Variants in KIF13A observed in about 807,000 individuals in gnomAD.
The protein encoded by KIF13A is kinesin family member 13A, also known as kinesin-like protein KIF13A.
Under a neutral mutation model 212.2 loss-of-function variants are expected in KIF13A, and 79 were observed. That is an observed-to-expected ratio of 0.37 (90% confidence interval 0.31 to 0.45). The LOEUF (loss-of-function observed/expected upper bound fraction) is 0.45, where lower values mean the gene tolerates loss of function less well. KIF13A is among the 20% of genes least tolerant of loss of function. KIF13A has a pLI of 1.00. For synonymous variants in KIF13A, 789 were observed against 808.6 expected, an observed-to-expected ratio of 0.98 and a Z score of 0.41; for missense variants, 1,901 against 2,209.0, an observed-to-expected ratio of 0.86 and a Z score of 2.79.
At position 17,825,759 on chromosome 6, in the gene KIF13A, G is replaced by C. The variant is rs757309237; in HGVS notation, c.1786+9C>G. ...CCCAAGGCGCTGGAACACAGAGTGA[G>C]GGTCTTACCATTACTATTCAGGGTT... On this transcript the variant is annotated intron_variant, in intron 16 of 38. Transcript: ENST00000259711. This position sits in a 1 kb window ranked among gnomAD's most constrained non-coding sequence, Gnocchi z 4.5. 1.2e-6 allele frequency: 2 copies of C among 1,610,734 alleles called. No homozygotes were observed. Among genetic ancestry groups the C allele is most frequent in the East Asian group, 4.5e-5 (2 of 44,870 alleles).
intron 4 of KIF13A, among the ~76,000 whole-genome samples, chr6:17,868,232 A>G (rs1769610626): frequency 6.6e-6 from 1 of 152,060 alleles, no homozygotes; most frequent in African/African-American, 2.4e-5. Context: ...TTTATTTTTG[A>G]TATGAAGATT....
chr6:17,824,781 C>A (rs4712312), intron 16 of KIF13A, among the ~76,000 whole-genome samples: 39,245 of 89,792 alleles, frequency 0.44, 7,006 homozygotes, highest in African/African-American at 0.55. Context: ...AAAAAAAAAA[C>A]AAAACACCAA....
At position 17,828,443 on chromosome 6, in the gene KIF13A, T is replaced by A; in HGVS notation, c.1402-73A>T. 7.5e-7 allele frequency: 1 copy of A among 1,337,592 alleles called. No individual in the cohort carries two copies. The highest frequency in any genetic ancestry group is 1.0e-6 in the Non-Finnish European group (1 of 956,914). 82.9% of individuals were successfully genotyped at this position (1,337,592 alleles called of 1,614,324 possible). A position where few individuals can be genotyped will look rare whatever the true frequency, so the allele number is the denominator to read the frequency against. ...TCAGCAAAAATGTATCACAATCAAT[T>A]TGAATAACGCAGCAGCATATGCACA... On this transcript the variant is annotated intron_variant, in intron 13 of 38. Transcript: ENST00000259711. This position sits in a 1 kb window ranked among gnomAD's most constrained non-coding sequence, Gnocchi z 4.3.
chr6:17,929,360 C>T (rs1775789129), intron 2 of KIF13A, among the ~76,000 whole-genome samples: 1 of 151,834 alleles, frequency 6.6e-6, no homozygotes, highest in African/African-American at 2.4e-5. Flanking sequence ...TAGCTTCAGT[C>T]TCCCAAACAG....
chr6:17,792,395 AG>A (rs1245203700), intron 25 of KIF13A, among the ~76,000 whole-genome samples: 1 of 152,154 alleles, frequency 6.6e-6, no homozygotes, highest in African/African-American at 2.4e-5. Context: ...AGGATTATTA[AG>A]TCTACTTCAT....
At chr6:17,833,014 C>CAAAAAAAAAAAAAAAAAAAA (rs61281213) in intron 12 of KIF13A, among the ~76,000 whole-genome samples, 1 of 75,384 alleles carries the variant, frequency 1.3e-5, no homozygotes. Context: ...ACTCTGTCTG[C>CAAAAAAAAAAAAAAAAAAAA]AAAAAAAAAA....
At chr6:17,822,051 T>C (rs1224918161) in intron 16 of KIF13A, 1 of 897,896 alleles carries the variant, frequency 1.1e-6, no homozygotes, top group African/African-American at 1.7e-5. Context: ...TTCTTTTTTT[T>C]TTTTTTGTGA....
At chr6:17,770,833 A>C in intron 38 of KIF13A, 1 of 791,024 alleles carries the variant, frequency 1.3e-6, no homozygotes, top group Admixed American at 4.4e-5. Flanking sequence ...GGTATTAAAA[A>C]GATCTCTTTG....
At chr6:17,878,947 G>T (rs929884894) in intron 3 of KIF13A, among the ~76,000 whole-genome samples, 2 of 152,130 alleles carry the variant, frequency 1.3e-5, no homozygotes, top group African/African-American at 4.8e-5. Flanking sequence ...CAAAATCTCT[G>T]ATCACAGGCA....
At chr6:17,954,498 T>C (rs1372566426) in intron 2 of KIF13A, among the ~76,000 whole-genome samples, 1 of 152,158 alleles carries the variant, frequency 6.6e-6, no homozygotes, top group Non-Finnish European at 1.5e-5. Context: ...TTAAGTATAA[T>C]ACACAGCATA....
At position 17,779,010 on chromosome 6, in the gene KIF13A, A is replaced by G. The variant is rs1443078438; in HGVS notation, c.4029T>C (p.Ile1343=). Residue 1343 remains isoleucine (I), a synonymous_variant, in exon 33 of 39, where the codon ATT becomes ATC. Coordinates refer to ENST00000259711, the MANE Select transcript of KIF13A (RefSeq NM_022113.6). ...GCAGCACGCCTCGAGTGTACTTCTC[A>G]ATGTACGTCTCCCCATCTGATGTGC... ...NEGTSDGETY[I]EKYTRGVLQV... 6.2e-7 allele frequency: 1 copy of G among 1,613,302 alleles called. No individual in the cohort carries two copies. The highest frequency in any genetic ancestry group is 8.5e-7 in the Non-Finnish European group (1 of 1,179,628).
Position 17,968,253 on chromosome 6 carries a change from T to G in KIF13A, c.146+18801A>C, listed in dbSNP as rs1394567539. 6.6e-6 allele frequency among the ~76,000 whole-genome samples: 1 copy of G among 152,188 alleles called. No individual in the cohort carries two copies. The highest frequency in any genetic ancestry group is 1.5e-5 in the Non-Finnish European group (1 of 68,026). Reference sequence around the variant, plus strand: ...AGAAGAGTAAGCAGGCCAGCAGCCCTGCCACTCACAGGGCTGTCCCAGATT... The same window carrying G: ...AGAAGAGTAAGCAGGCCAGCAGCCCGGCCACTCACAGGGCTGTCCCAGATT... On this transcript the variant is annotated intron_variant, in intron 2 of 38. Coordinates refer to ENST00000259711, the MANE Select transcript of KIF13A (RefSeq NM_022113.6). This position sits in a 1 kb window ranked among gnomAD's most constrained non-coding sequence, Gnocchi z 4.7.
In KIF13A at chr6:17,886,336, C is replaced by CAG. The variant is rs1272093151; in HGVS notation, c.159+11830_159+11831dup. On this transcript the variant is annotated intron_variant, in intron 3 of 38. Coordinates refer to ENST00000259711, the MANE Select transcript of KIF13A (RefSeq NM_022113.6). The surrounding 1 kb of genome is among the most constrained non-coding windows in gnomAD (Gnocchi z 5.6). ...GAATGCTAGGCTGACTCCATGGCCC[C>CAG]AGGTCACCAAAGCTAAAGGACCTGA... is the stretch of plus-strand genomic sequence containing the variant. 1.3e-5 allele frequency among the ~76,000 whole-genome samples: 2 copies of CAG among 152,138 alleles called. No individual in the cohort carries two copies. Among genetic ancestry groups the CAG allele is most frequent in the Non-Finnish European group, 2.9e-5 (2 of 68,024 alleles).
At chr6:17,842,054 A>T (rs1346279905) in intron 9 of KIF13A, among the ~76,000 whole-genome samples, 2 of 145,236 alleles carry the variant, frequency 1.4e-5, no homozygotes, top group African/African-American at 5.1e-5. Context: ...TACATATATT[A>T]TTTTTTTTCT....
chr6:17,894,074 G>A (rs1434541662), intron 3 of KIF13A, among the ~76,000 whole-genome samples: 8 of 151,006 alleles, frequency 5.3e-5, no homozygotes, highest in East Asian at 1.9e-4. Context: ...TCCTGACCTC[G>A]TGATCCTCCC....
In KIF13A at chr6:17,811,520, T is replaced by C. The variant is rs1241332928; in HGVS notation, c.2001-2590A>G. Among the ~76,000 whole-genome samples the C allele has an allele frequency of 6.6e-6, 1 of 152,238 alleles. No individual in the cohort carries two copies. The highest frequency in any genetic ancestry group is 1.5e-5 in the Non-Finnish European group (1 of 68,044). ...AATTTATATCTTGTTTCATACTACATTCTAAGTGTACAAAGAGAATAAACG... is the reference window on the plus strand; with the variant it reads ...AATTTATATCTTGTTTCATACTACACTCTAAGTGTACAAAGAGAATAAACG... On this transcript the variant is annotated intron_variant, in intron 17 of 38. Transcript: ENST00000259711. This position sits in a 1 kb window ranked among gnomAD's most constrained non-coding sequence, Gnocchi z 6.0.
Position 17,834,711 on chromosome 6 carries a change from A to G in KIF13A, c.1156-640T>C, listed in dbSNP as rs17689501. On this transcript the variant is annotated intron_variant, in intron 11 of 38. Transcript: ENST00000259711. This position sits in a 1 kb window ranked among gnomAD's most constrained non-coding sequence, Gnocchi z 4.0. Reference sequence around the variant, plus strand: ...TGAGGGGAGAGGCCTTTACTTGTCAATAATATGCTTTGACACCTTAAAGTA... The same window carrying G: ...TGAGGGGAGAGGCCTTTACTTGTCAGTAATATGCTTTGACACCTTAAAGTA... 0.18 allele frequency among the ~76,000 whole-genome samples: 26,903 copies of G among 152,194 alleles called. 2,686 individuals carry two copies. The highest frequency in any genetic ancestry group is 0.31 in the South Asian group (1,494 of 4,826).
intron 4 of KIF13A, among the ~76,000 whole-genome samples, chr6:17,870,507 G>T (rs1174539328): frequency 6.6e-6 from 1 of 152,018 alleles, no homozygotes; most frequent in African/African-American, 2.4e-5. Context: ...ATTGCAGAAG[G>T]CTAGAGTGTT....
chr6:17,884,583 C>T (rs1220814984), intron 3 of KIF13A, among the ~76,000 whole-genome samples: 4 of 152,204 alleles, frequency 2.6e-5, no homozygotes, highest in African/African-American at 9.7e-5. Flanking sequence ...TTGCTACAGA[C>T]TGTTTGGTTC....
Sources: gnomAD v4.1 joint callset for allele counts (sites outside exome capture counted in the v4.1 genomes callset) on GRCh38, gnomAD v4.1.1 for gene constraint, Gnocchi (gnomAD v3.1) non-coding constraint, MANE v1.5 for transcripts, NCBI Gene and HGNC (gene_info 2026-07-23, HGNC 2026-07-21) for gene names.